CSMD1: variants seen among roughly 807,000 people sequenced by gnomAD.
CSMD1 encodes the protein CUB and Sushi multiple domains 1, also known as CUB and sushi domain-containing protein 1.
In CSMD1, 213 loss-of-function variants were observed where a neutral mutation model predicts 417.5. That is an observed-to-expected ratio of 0.51 (90% CI 0.46 to 0.57). The LOEUF (loss-of-function observed/expected upper bound fraction) is 0.57, where lower values mean the gene tolerates loss of function less well. Ranked by LOEUF, CSMD1 falls within the 20% of genes least tolerant of loss-of-function variation. CSMD1 has a pLI of 0.00. For synonymous variants in CSMD1, 2,862 were observed against 1,736.8 expected, an observed-to-expected ratio of 1.65 and a Z score of -16.11; for missense variants, 6,923 against 4,529.7, an observed-to-expected ratio of 1.53 and a Z score of -15.17.
rs139643523 is a variant in CSMD1 at position 4,792,037 on chromosome 8, G to C, written c.86-154479C>G. Among the ~76,000 whole-genome samples the C allele has an allele frequency of 9.7e-4, 147 of 152,084 alleles. 1 individual carries two copies. The highest frequency in any genetic ancestry group is 3.4e-3 in the African/African-American group (142 of 41,494). Reference sequence around the variant, plus strand: ...TAAATCCTATCTCACTAGAAAAGTGGTGACATTCTTACCCAAGATTCACTG... The same window carrying C: ...TAAATCCTATCTCACTAGAAAAGTGCTGACATTCTTACCCAAGATTCACTG... On this transcript the variant is annotated intron_variant, in intron 1 of 69. Coordinates refer to ENST00000635120, the MANE Select transcript of CSMD1 (RefSeq NM_033225.6).
At chr8:3,563,714 C>A (rs1236594492) in intron 10 of CSMD1, among the ~76,000 whole-genome samples, 1 of 151,988 alleles carries the variant, frequency 6.6e-6, no homozygotes, top group Admixed American at 6.6e-5. Context: ...TGTAGTGAAA[C>A]CCTGTTTTTA....
chr8:3,420,365 C>A (rs183422154), intron 12 of CSMD1, among the ~76,000 whole-genome samples: 30 of 147,250 alleles, frequency 2.0e-4, no homozygotes, highest in African/African-American at 7.0e-4. Flanking sequence ...CCAGATGAGG[C>A]AAGACAATTA....
chr8:4,940,469 G>C (rs1256516330), intron 1 of CSMD1, among the ~76,000 whole-genome samples: 1 of 152,120 alleles, frequency 6.6e-6, no homozygotes, highest in African/African-American at 2.4e-5. Flanking sequence ...AGTTGGGAAG[G>C]GCATGGTCTG....
intron 8 of CSMD1, among the ~76,000 whole-genome samples, chr8:3,590,821 C>T (rs940998657): frequency 9.9e-5 from 15 of 152,262 alleles, no homozygotes; most frequent in South Asian, 4.2e-4. Flanking sequence ...GACCCCAATT[C>T]TAATTTATTA....
Position 2,937,437 on chromosome 8 carries a change from C to CAAAAAAAAAAA in CSMD1, c.*1137_*1147dup, listed in dbSNP as rs78432209. 9.7e-5 allele frequency: 11 copies of CAAAAAAAAAAA among 113,772 alleles called. No individual in the cohort carries two copies. The highest frequency in any genetic ancestry group is 3.7e-4 in the African/African-American group (9 of 24,486). The allele number at this position is 113,772 out of a possible 1,614,324, so 7.0% of individuals were successfully genotyped here. On this transcript the variant is annotated 3_prime_UTR_variant, in exon 70 of 70. Transcript: ENST00000635120. ...CAAAGATCGATGGCACAGTAAAAGACAAAAAAAAAAAAAAACAAAAAAAAA... is the reference window on the plus strand; with the variant it reads ...CAAAGATCGATGGCACAGTAAAAGACAAAAAAAAAAAAAAAAAAAAAAAAAACAAAAAAAAA...
chr8:4,702,339 T>C (rs939345812), intron 1 of CSMD1, among the ~76,000 whole-genome samples: 6 of 152,182 alleles, frequency 3.9e-5, no homozygotes, highest in African/African-American at 1.4e-4. Flanking sequence ...ATTAGGAATC[T>C]TTGCTAAACT....
At chr8:4,409,569 T>G (rs542103013) in intron 3 of CSMD1, among the ~76,000 whole-genome samples, 1 of 152,034 alleles carries the variant, frequency 6.6e-6, no homozygotes, top group Non-Finnish European at 1.5e-5. Flanking sequence ...CACTCAACAC[T>G]TCAGCAGGGA....
chr8:3,782,115 T>C (rs544492854), intron 5 of CSMD1, among the ~76,000 whole-genome samples: 48 of 152,194 alleles, frequency 3.2e-4, no homozygotes, highest in Non-Finnish European at 7.1e-4. Context: ...ATGAAGAATG[T>C]AGGGGTCATA....
At chr8:3,119,789 C>T (rs964618802) in intron 41 of CSMD1, among the ~76,000 whole-genome samples, 2 of 152,172 alleles carry the variant, frequency 1.3e-5, no homozygotes, top group East Asian at 1.9e-4. Flanking sequence ...CAAAGCCACA[C>T]CATGCAGCAC....
At chr8:3,055,281 G>C (rs1281112901) in intron 49 of CSMD1, among the ~76,000 whole-genome samples, 1 of 152,102 alleles carries the variant, frequency 6.6e-6, no homozygotes. Context: ...TGCTTGCCCA[G>C]GTCTTAAGAC....
At chr8:3,198,334 T>C (rs1796811096) in intron 33 of CSMD1, among the ~76,000 whole-genome samples, 1 of 152,236 alleles carries the variant, frequency 6.6e-6, no homozygotes, top group Non-Finnish European at 1.5e-5. Context: ...TCTTTACACA[T>C]CTCACATACT....
chr8:4,513,674 G>C (rs1419137104), intron 2 of CSMD1, among the ~76,000 whole-genome samples: 1 of 152,202 alleles, frequency 6.6e-6, no homozygotes, highest in African/African-American at 2.4e-5. Flanking sequence ...ACTCATAATT[G>C]AGAAAGGTAA....
chr8:3,329,018 G>A (rs566241413), intron 23 of CSMD1, among the ~76,000 whole-genome samples: 64 of 152,222 alleles, frequency 4.2e-4, no homozygotes, highest in African/African-American at 1.4e-3. Context: ...AGAACCTAGG[G>A]CTGAAAAAAT....
At chr8:4,776,645 G>A (rs1290849119) in intron 1 of CSMD1, among the ~76,000 whole-genome samples, 1 of 152,150 alleles carries the variant, frequency 6.6e-6, no homozygotes, top group Non-Finnish European at 1.5e-5. Context: ...AAATAGGGGG[G>A]TTGTGAACTG....
chr8:4,738,860 G>A (rs926128481), intron 1 of CSMD1, among the ~76,000 whole-genome samples: 1 of 149,742 alleles, frequency 6.7e-6, no homozygotes, highest in Middle Eastern at 3.5e-3. Context: ...TGCTTATTTA[G>A]GAACTACATA....
intron 3 of CSMD1, among the ~76,000 whole-genome samples, chr8:4,311,198 G>A (rs534713129): frequency 3.9e-4 from 60 of 152,252 alleles, no homozygotes; most frequent in African/African-American, 1.2e-3. Context: ...ACACATGCAC[G>A]TGAATGTTCA....
rs753100860 is a variant in CSMD1 at position 3,110,139 on chromosome 8, A to T, written c.6608+19T>A. The T allele has an allele frequency of 6.4e-5, 101 of 1,576,718 alleles. No individual in the cohort carries two copies. Among genetic ancestry groups the T allele is most frequent in the Non-Finnish European group, 7.7e-5 (89 of 1,158,238 alleles). On this transcript the variant is annotated intron_variant, in intron 43 of 69. Transcript: ENST00000635120. The stretch of plus-strand genomic sequence containing the variant: ...GTTGATCACAATTACAGATATTTTG[A>T]CTTGAGAGGTTCTCATACCAAACAG...
At chr8:3,241,296 G>T (rs543839084) in intron 26 of CSMD1, among the ~76,000 whole-genome samples, 1 of 150,926 alleles carries the variant, frequency 6.6e-6, no homozygotes, top group Non-Finnish European at 1.5e-5. Context: ...AAGCCTGGCC[G>T]TCAATACCCA....
chr8:3,979,890 G>C (rs111703959), intron 5 of CSMD1, among the ~76,000 whole-genome samples: 1 of 152,138 alleles, frequency 6.6e-6, no homozygotes, highest in African/African-American at 2.4e-5. Flanking sequence ...AATAAACTTT[G>C]TAAACTGAAA....
Sources: gnomAD v4.1 joint callset for allele counts (sites outside exome capture counted in the v4.1 genomes callset) on GRCh38, gnomAD v4.1.1 for gene constraint, MANE v1.5 for transcripts, NCBI Gene and HGNC (gene_info 2026-07-23, HGNC 2026-07-21) for gene names.